PIK3C2G: variants seen among roughly 807,000 people sequenced by gnomAD.
PIK3C2G encodes the protein phosphatidylinositol-4-phosphate 3-kinase catalytic subunit type 2 gamma, also known as phosphatidylinositol 3-kinase C2 domain-containing subunit gamma.
A neutral mutation model predicts 181.1 loss-of-function variants in PIK3C2G; 168 were observed. The ratio of observed to expected loss-of-function variants is 0.93; its 90% confidence interval spans 0.82 to 1.05. The LOEUF (loss-of-function observed/expected upper bound fraction) is 1.05, where lower values mean the gene tolerates loss of function less well. Ranked by LOEUF, PIK3C2G falls within the 50% of genes least tolerant of loss-of-function variation. The pLI is 0.00. For missense variants in PIK3C2G, 1,869 were observed against 1,732.8 expected (o/e 1.08, Z -1.40); for synonymous variants, 573 against 592.2 (o/e 0.97, Z 0.47).
rs540739608 is a variant in PIK3C2G, at chr12:18,275,627, C to T, written c.-78-6377C>T. ...CAAACTCCTGAGCTCGTGATCCACC[C>T]GCCTCGGCCTCCCAAAGTGCTGGGA... On this transcript the variant is annotated intron_variant, in intron 1 of 32. Transcript: ENST00000538779. Among the ~76,000 whole-genome samples, 9 of 152,252 alleles carry T rather than the reference C, an allele frequency of 5.9e-5. No individual in the cohort carries two copies. The South Asian group carries it at 8.3e-4, about 14-fold the overall frequency.
chr12:18,490,078 G>T (rs1461925627), intron 19 of PIK3C2G, among the ~76,000 whole-genome samples: 2 of 151,986 alleles, frequency 1.3e-5, no homozygotes, highest in African/African-American at 2.4e-5. Flanking sequence ...GGCTACTTTT[G>T]TACTTAAAAA....
chr12:18,669,245 T>C, the PIK3C2G span, among the ~76,000 whole-genome samples: 1 of 152,158 alleles, frequency 6.6e-6, no homozygotes, highest in Non-Finnish European at 1.5e-5. Context: ...GGACATGAAG[T>C]CAGGCAATCA....
intron 26 of PIK3C2G, among the ~76,000 whole-genome samples, chr12:18,549,439 T>C (rs1448647372): frequency 6.6e-6 from 1 of 152,060 alleles, no homozygotes; most frequent in African/African-American, 2.4e-5. Flanking sequence ...TCTAAGTGCT[T>C]TTCTTACAGT....
At chr12:18,306,977 A>G (rs1361267764) in intron 5 of PIK3C2G, among the ~76,000 whole-genome samples, 1 of 151,446 alleles carries the variant, frequency 6.6e-6, no homozygotes, top group Non-Finnish European at 1.5e-5. Flanking sequence ...AACAAGCGTA[A>G]GTATTTATTC....
rs372412071 is a variant in PIK3C2G, at chr12:18,601,650, A to G, written c.4087+7081A>G. 2.0e-5 allele frequency among the ~76,000 whole-genome samples: 3 copies of G among 152,152 alleles called. 1 individual carries two copies. The highest frequency in any genetic ancestry group is 6.5e-5 in the Admixed American group (1 of 15,274). On this transcript the variant is annotated intron_variant, in intron 30 of 32. Transcript: ENST00000538779. ...CAGTATGGCCATTTTAATGATATTG[A>G]TACTTCTAGTCTATGGGCATGGAAT...
intron 24 of PIK3C2G, among the ~76,000 whole-genome samples, chr12:18,528,790 C>A (rs1036099959): frequency 6.6e-6 from 1 of 152,164 alleles, no homozygotes; most frequent in Admixed American, 6.6e-5. Context: ...CAGCTTGTCA[C>A]TGGCCTGGCA....
rs542855238 is a variant in PIK3C2G at position 18,576,320 on chromosome 12, T to G, written c.4011+9263T>G. 6.6e-5 allele frequency among the ~76,000 whole-genome samples: 10 copies of G among 152,324 alleles called. No homozygotes were observed. In the South Asian group the frequency reaches 2.1e-3, roughly 32 times the overall value. On this transcript the variant is annotated intron_variant, in intron 29 of 32. Coordinates refer to ENST00000538779, the MANE Select transcript of PIK3C2G (RefSeq NM_001288772.2). ...GGGGTAGGCTGCACTGGTTGCCTAG[T>G]GCCATGCCCAGGAACATTGCCTGGC...
chr12:18,602,163 C>T (rs1441532590), intron 30 of PIK3C2G, among the ~76,000 whole-genome samples: 1 of 152,076 alleles, frequency 6.6e-6, no homozygotes, highest in Non-Finnish European at 1.5e-5. Flanking sequence ...CTGACTCGCC[C>T]TCCACCTGGA....
the PIK3C2G span, among the ~76,000 whole-genome samples, chr12:18,673,682 T>C: frequency 1.3e-5 from 2 of 152,210 alleles, no homozygotes; most frequent in African/African-American, 4.8e-5. Flanking sequence ...TACTGGGCCC[T>C]CTGATTCACT....
intron 24 of PIK3C2G, among the ~76,000 whole-genome samples, chr12:18,509,984 T>G (rs10841032): frequency 0.43 from 65,633 of 151,626 alleles, 14,849 homozygotes; most frequent in East Asian, 0.62. Flanking sequence ...TCTTCTTTTT[T>G]GGGGGACATG....
At chr12:18,302,976 T>G (rs1591881497) in intron 5 of PIK3C2G, among the ~76,000 whole-genome samples, 1 of 151,830 alleles carries the variant, frequency 6.6e-6, no homozygotes, top group South Asian at 2.1e-4. Flanking sequence ...GAGCACGGGG[T>G]GGAGGGGCAG....
At chr12:18,521,621 G>A (rs920778402) in intron 24 of PIK3C2G, among the ~76,000 whole-genome samples, 2 of 152,204 alleles carry the variant, frequency 1.3e-5, no homozygotes, top group African/African-American at 4.8e-5. Context: ...GAGGGGTGGG[G>A]GGTTAGGAAG....
At chr12:18,586,336 CAAA>C (rs570271431) in intron 29 of PIK3C2G, among the ~76,000 whole-genome samples, 94 of 151,918 alleles carry the variant, frequency 6.2e-4, no homozygotes, top group African/African-American at 2.2e-3. Flanking sequence ...GCTAGACTAA[CAAA>C]GAAGAAAAGA....
chr12:18,448,263 C>A (rs1484882743), intron 18 of PIK3C2G, among the ~76,000 whole-genome samples: 1 of 151,898 alleles, frequency 6.6e-6, no homozygotes. Context: ...AAAGAATATA[C>A]CTATAATTCA....
intron 29 of PIK3C2G, among the ~76,000 whole-genome samples, chr12:18,580,753 T>C (rs1399784363): frequency 6.6e-6 from 1 of 152,164 alleles, no homozygotes; most frequent in Non-Finnish European, 1.5e-5. Flanking sequence ...CACTGCTTTA[T>C]AAAAAAAGCA....
rs1591957786 is a variant in PIK3C2G, at chr12:18,325,016, T to C, written c.1209-19T>C. ...TTCCCACCCAATTTTAAACAAAGTT[T>C]CTATTTTTTATTTTCCAGACAATGT... On this transcript the variant is annotated intron_variant, in intron 7 of 32. Transcript: ENST00000538779. 1 of 1,355,748 alleles carries C rather than the reference T, an allele frequency of 7.4e-7. No homozygotes were observed. The highest frequency in any genetic ancestry group is 2.1e-5 in the Admixed American group (1 of 47,868). 84.0% of individuals were successfully genotyped at this position (1,355,748 alleles called of 1,614,324 possible).
At chr12:18,314,349 A>G (rs1950769394) in intron 6 of PIK3C2G, among the ~76,000 whole-genome samples, 1 of 152,148 alleles carries the variant, frequency 6.6e-6, no homozygotes, top group South Asian at 2.1e-4. Context: ...TGATAGTATT[A>G]GGAAGTGAGG....
chr12:18,683,267 A>G, the PIK3C2G span: 2 of 1,612,644 alleles, frequency 1.2e-6, no homozygotes, highest in South Asian at 1.1e-5. Context: ...ATAAACAAAC[A>G]GTGAAGCAGG....
chr12:18,410,269 G>A (rs1230372133), intron 16 of PIK3C2G, among the ~76,000 whole-genome samples: 1 of 152,100 alleles, frequency 6.6e-6, no homozygotes, highest in East Asian at 1.9e-4. Flanking sequence ...GGAGGCCGAG[G>A]TGAGGTTGGC....
Sources: gnomAD v4.1 joint callset for allele counts (sites outside exome capture counted in the v4.1 genomes callset) on GRCh38, gnomAD v4.1.1 for gene constraint, MANE v1.5 for transcripts, NCBI Gene and HGNC (gene_info 2026-07-23, HGNC 2026-07-21) for gene names.